Variants in VAV1 observed in about 807,000 individuals in gnomAD.
The protein encoded by VAV1 is proto-oncogene vav.
VAV1 carries 33 observed loss-of-function variants against 128.1 expected under a neutral mutation model. That is an observed-to-expected ratio of 0.26 (90% CI 0.20 to 0.34). VAV1 has a LOEUF of 0.34. Ranked by LOEUF, VAV1 falls within the 10% of genes least tolerant of loss-of-function variation. The pLI, the probability that VAV1 is intolerant of heterozygous loss-of-function variation, is 1.00. For synonymous variants in VAV1, 394 were observed against 409.8 expected (o/e 0.96, Z 0.47); for missense variants, 715 against 1,093.7 (o/e 0.65, Z 4.88).
chr19:6,834,055 G>A, intron 19 of VAV1, 102 bp downstream of exon 19: 1 of 1,544,492 alleles, frequency 6.5e-7, no homozygotes. Context: ...AGCCACATTG[G>A]GCCGGGTGCA....
intron 1 of VAV1, among the ~76,000 whole-genome samples, chr19:6,816,042 C>T (rs372762178): frequency 5.5e-4 from 72 of 129,810 alleles, no homozygotes; most frequent in East Asian, 3.0e-3. Context: ...TTTTTTGAGA[C>T]GGAGTCTCGC....
rs778685554 is a variant in VAV1 at position 6,832,208 on chromosome 19, C to A, written c.1508+8C>A. On this transcript the variant is annotated splice_region_variant and intron_variant, in intron 15 of 26. Coordinates refer to ENST00000602142, the MANE Select transcript of VAV1 (RefSeq NM_005428.4). Reference sequence around the variant, plus strand: ...GCAGTTTGAGATGGCCATGTGAGTCCCCGTCTTCCTCCCTCTTTCTGTCCA... The same window carrying A: ...GCAGTTTGAGATGGCCATGTGAGTCACCGTCTTCCTCCCTCTTTCTGTCCA... The A allele has an allele frequency of 7.4e-6, 12 of 1,613,246 alleles. No individual in the cohort carries two copies. The highest frequency in any genetic ancestry group is 1.0e-5 in the Non-Finnish European group (12 of 1,179,306).
At chr19:6,818,379 A>G (rs1193431810) in intron 1 of VAV1, among the ~76,000 whole-genome samples, 1 of 152,136 alleles carries the variant, frequency 6.6e-6, no homozygotes, top group African/African-American at 2.4e-5. Flanking sequence ...ATCTTCTCAC[A>G]ATAAATGTCT....
At position 6,820,771 on chromosome 19, in the gene VAV1, G is replaced by C. The variant is rs1182441679; in HGVS notation, c.274G>C (p.Glu92Gln). 6 of 1,614,044 alleles carry C rather than the reference G, an allele frequency of 3.7e-6. No individual in the cohort carries two copies. The African/African-American group carries it at 4.0e-5, about 11-fold the overall frequency. The change falls in exon 2 of 27, where the codon GAG becomes CAG. Residue 92 changes from glutamate (E) to glutamine (Q), a missense_variant. By Grantham distance (29) the Glu-to-Gln change is conservative (BLOSUM62 2). This residue lies in a region of VAV1 where 302 missense variants were observed against 477.8 expected (regional missense o/e 0.63). Transcript: ENST00000602142. This position sits in a 1 kb window ranked among gnomAD's most constrained non-coding sequence, Gnocchi z 4.4. The stretch of plus-strand genomic sequence containing the variant: ...TGAGAAGTTCGGCCTCAAGCGGAGC[G>C]AGCTCTTCGAAGCCTTTGACCTCTT... ...CCEKFGLKRSELFEAFDLFDV... is the reference protein window; with the variant it reads ...CCEKFGLKRSQLFEAFDLFDV...
Position 6,803,665 on chromosome 19 carries a change from A to G in VAV1, c.205-17037A>G, listed in dbSNP as rs376113190. The stretch of plus-strand genomic sequence containing the variant: ...CTGCAACCTCTGCTTCCCAGGTCCA[A>G]GCTGTTCTCCTGCCTCAGCCTCCTG... On this transcript the variant is annotated intron_variant, in intron 1 of 26. Coordinates refer to ENST00000602142, the MANE Select transcript of VAV1 (RefSeq NM_005428.4). Among the ~76,000 whole-genome samples, 9 of 152,228 alleles carry G rather than the reference A, an allele frequency of 5.9e-5. No homozygotes were observed. The East Asian group carries it at 9.7e-4, about 16-fold the overall frequency.
At position 6,828,799 on chromosome 19, in the gene VAV1, C is replaced by G. The variant is rs760728557; in HGVS notation, c.1180-16C>G. On this transcript the variant is annotated splice_polypyrimidine_tract_variant and intron_variant, in intron 12 of 26. Coordinates refer to ENST00000602142, the MANE Select transcript of VAV1 (RefSeq NM_005428.4). This position sits in a 1 kb window ranked among gnomAD's most constrained non-coding sequence, Gnocchi z 4.5. ...TTCTTGGGAGACCCTTGCTAGACCC[C>G]CTGCCTACTGCATAGGACCAGTCTC... 1 of 1,614,110 alleles carries G rather than the reference C, an allele frequency of 6.2e-7. No individual in the cohort carries two copies. Among genetic ancestry groups the G allele is most frequent in the Non-Finnish European group, 8.5e-7 (1 of 1,180,000 alleles).
Position 6,826,493 on chromosome 19 carries a change from G to T in VAV1, c.828-119G>T. 1.4e-6 allele frequency: 1 copy of T among 697,626 alleles called. No homozygotes were observed. Among genetic ancestry groups the T allele is most frequent in the South Asian group, 1.6e-5 (1 of 63,180 alleles). 43.2% of individuals were successfully genotyped at this position (697,626 alleles called of 1,614,324 possible). On this transcript the variant is annotated intron_variant, in intron 8 of 26. Coordinates refer to ENST00000602142, the MANE Select transcript of VAV1 (RefSeq NM_005428.4). This position sits in a 1 kb window ranked among gnomAD's most constrained non-coding sequence, Gnocchi z 4.1. ...TATTGTTATGCCCATTTCACAGATG[G>T]AGAAACTGGGACTCAGGTTTCTTCT...
At chr19:6,839,733 C>T (rs1972324699) in intron 21 of VAV1, among the ~76,000 whole-genome samples, 1 of 152,164 alleles carries the variant, frequency 6.6e-6, no homozygotes, top group Non-Finnish European at 1.5e-5. Flanking sequence ...ACTCTGTTGC[C>T]CAGGCTGGAG....
intron 1 of VAV1, among the ~76,000 whole-genome samples, chr19:6,789,393 T>C (rs3101748): frequency 0.25 from 37,772 of 151,450 alleles, 5,412 homozygotes; most frequent in African/African-American, 0.4. Flanking sequence ...GCTGGGACTA[T>C]AGGTGCCCAC....
intron 1 of VAV1, among the ~76,000 whole-genome samples, chr19:6,819,770 G>A (rs1219594722): frequency 6.6e-6 from 1 of 152,216 alleles, no homozygotes; most frequent in Non-Finnish European, 1.5e-5. Context: ...TGGAAGGCTG[G>A]TTAGAATTCT....
chr19:6,832,961 G>A (rs1332472850), intron 15 of VAV1, among the ~76,000 whole-genome samples: 7 of 152,048 alleles, frequency 4.6e-5, no homozygotes, highest in Middle Eastern at 3.4e-3. Context: ...CCAATTCCCC[G>A]CTCTCGCAGC....
chr19:6,800,571 A>G (rs1208643972), intron 1 of VAV1, among the ~76,000 whole-genome samples: 1 of 151,748 alleles, frequency 6.6e-6, no homozygotes, highest in Non-Finnish European at 1.5e-5. Flanking sequence ...CAGCGTCCCA[A>G]AGTGCTGGGA....
chr19:6,854,610 G>A (rs1972749949), intron 26 of VAV1, among the ~76,000 whole-genome samples: 1 of 152,118 alleles, frequency 6.6e-6, no homozygotes, highest in African/African-American at 2.4e-5. Flanking sequence ...AGGTACTCAG[G>A]AAGCTGAGGT....
At chr19:6,806,773 CT>C (rs1971406076) in intron 1 of VAV1, among the ~76,000 whole-genome samples, 1 of 152,208 alleles carries the variant, frequency 6.6e-6, no homozygotes, top group Non-Finnish European at 1.5e-5. Flanking sequence ...GGTGGAGCCC[CT>C]CTCAGCCCAT....
intron 1 of VAV1, among the ~76,000 whole-genome samples, chr19:6,819,880 T>C (rs1487536034): frequency 1.3e-5 from 2 of 152,246 alleles, no homozygotes; most frequent in Admixed American, 1.3e-4. Context: ...TTCTTTCTTT[T>C]TCTTTTTCCA....
rs950824619 is a variant in VAV1, at chr19:6,780,118, TAATA to T, written c.204+7109_204+7112del. ...AGAGCAAGACTCTGTCTTAAAATAA[TAATA>T]ATAATAATAATAATAATAATAATAA... On this transcript the variant is annotated intron_variant, in intron 1 of 26. Coordinates refer to ENST00000602142, the MANE Select transcript of VAV1 (RefSeq NM_005428.4). 1.3e-4 allele frequency among the ~76,000 whole-genome samples: 10 copies of T among 74,976 alleles called. 2 individuals carry two copies. Among genetic ancestry groups the T allele is most frequent in the Non-Finnish European group, 2.5e-4 (9 of 35,396 alleles). The allele number at this position is 74,976 out of a possible 152,430, so 49.2% of individuals were successfully genotyped here.
intron 25 of VAV1, 141 bp from the exon 26 acceptor site, chr19:6,853,806 G>T: frequency 1.9e-6 from 2 of 1,035,558 alleles, no homozygotes; most frequent in South Asian, 1.7e-5. Context: ...TCCCCTTACA[G>T]TACAGGGCAT....
intron 2 of VAV1, among the ~76,000 whole-genome samples, chr19:6,821,058 T>A (rs142590220): frequency 6.6e-6 from 1 of 152,254 alleles, no homozygotes; most frequent in Non-Finnish European, 1.5e-5. Flanking sequence ...TCATCTGAAA[T>A]ATGGGAATAT....
rs1970674410 is a variant in VAV1 at position 6,777,508 on chromosome 19, G to A, written c.204+4497G>A. 6.6e-6 allele frequency among the ~76,000 whole-genome samples: 1 copy of A among 152,236 alleles called. No individual in the cohort carries two copies. The highest frequency in any genetic ancestry group is 6.5e-5 in the Admixed American group (1 of 15,280). ...GGGGGCACTTTGACGAGGAGGGCTA[G>A]TGGTAAGGTGACATTGCAGCAGAGA... On this transcript the variant is annotated intron_variant, in intron 1 of 26. Transcript: ENST00000602142. This position sits in a 1 kb window ranked among gnomAD's most constrained non-coding sequence, Gnocchi z 4.4.
Sources: allele counts gnomAD v4.1 joint callset (sites outside exome capture counted in the v4.1 genomes callset), GRCh38; gene constraint gnomAD v4.1.1; regional missense constraint gnomAD v4.1.1; non-coding constraint Gnocchi (gnomAD v3.1); transcripts MANE v1.5; gene names NCBI Gene and HGNC (gene_info 2026-07-23, HGNC 2026-07-21).